Variants in MEP1A observed in about 807,000 individuals in gnomAD.
MEP1A encodes the protein N-benzoyl-L-tyrosyl-P-amino-benzoic acid hydrolase subunit alpha.
In MEP1A, 68 loss-of-function variants were observed where a neutral mutation model predicts 84.5. The ratio of observed to expected loss-of-function variants is 0.80; its 90% CI spans 0.66 to 0.98. MEP1A has a LOEUF of 0.98. MEP1A is among the 50% of genes least tolerant of loss of function. The pLI, the probability that MEP1A is intolerant of heterozygous loss-of-function variation, is 0.00. For synonymous variants in MEP1A, 337 were observed against 336.8 expected (o/e 1.00, Z -0.01); for missense variants, 887 against 919.9 (o/e 0.96, Z 0.46).
rs149471174 is a variant in MEP1A, at chr6:46,821,856, T to G, written c.556+2152T>G. Among the ~76,000 whole-genome samples, 351 of 152,340 alleles carry G rather than the reference T, an allele frequency of 2.3e-3. 3 individuals carry two copies. The highest frequency in any genetic ancestry group is 8.2e-3 in the African/African-American group (342 of 41,580). ...TACAATTCCGTATATCTAAATTGCC[T>G]GCAACCACGGGAGAACTGTTCTCAA... is the stretch of plus-strand genomic sequence containing the variant. On this transcript the variant is annotated intron_variant, in intron 7 of 13. Transcript: ENST00000230588.
the MEP1A span, among the ~76,000 whole-genome samples, chr6:46,845,057 T>C: frequency 1.3e-5 from 2 of 152,196 alleles, no homozygotes; most frequent in African/African-American, 4.8e-5. Context: ...TGATTGTAAG[T>C]TTCCTGAGGC....
intron 6 of MEP1A, among the ~76,000 whole-genome samples, chr6:46,819,047 G>A (rs1364686509): frequency 6.6e-6 from 1 of 152,160 alleles, no homozygotes; most frequent in Non-Finnish European, 1.5e-5. Context: ...GAGTAGAGGA[G>A]GCTGAGGCTG....
chr6:46,794,630 G>A (rs765872948), intron 3 of MEP1A, among the ~76,000 whole-genome samples: 1 of 152,198 alleles, frequency 6.6e-6, no homozygotes. Context: ...AGAGAAGCCA[G>A]TTAGTTGATA....
Position 46,798,627 on chromosome 6 carries a change from A to T in MEP1A, c.167A>T (p.Gln56Leu). 6.2e-7 allele frequency: 1 copy of T among 1,614,008 alleles called. No individual in the cohort carries two copies. The highest frequency in any genetic ancestry group is 8.5e-7 in the Non-Finnish European group (1 of 1,179,946). The change falls in exon 4 of 14, where the codon CAA becomes CTA. Residue 56 changes from glutamine (Q) to leucine (L), a missense_variant. Transcript: ENST00000230588. ...INLAAGLDLF[Q>L]GDILLQKSRN... Reference sequence around the variant, plus strand: ...CCAGCTGCAGGCTTGGACCTCTTTCAAGGGGACATCCTCTTGCAGGTGAGT... The same window carrying T: ...CCAGCTGCAGGCTTGGACCTCTTTCTAGGGGACATCCTCTTGCAGGTGAGT...
chr6:46,818,268 ATAAC>A lies in MEP1A; in HGVS notation c.381-1257_381-1254del, dbSNP rs531796011. Among the ~76,000 whole-genome samples the A allele has an allele frequency of 1.2e-3, 186 of 152,322 alleles. 1 individual carries two copies. The highest frequency in any genetic ancestry group is 2.0e-3 in the Non-Finnish European group (136 of 68,036). On this transcript the variant is annotated intron_variant, in intron 6 of 13. Transcript: ENST00000230588. ...CCTTAATAAAGTTATTAGAAAATAA[ATAAC>A]TAAGATTCATCTTTGAGTAAAAATC...
chr6:46,808,409 G>T (rs1239210777), intron 5 of MEP1A, among the ~76,000 whole-genome samples: 1 of 151,956 alleles, frequency 6.6e-6, no homozygotes, highest in Admixed American at 6.6e-5. Context: ...TGAAATAAAG[G>T]CCAGAAAATG....
chr6:46,819,348 C>T (rs1206171659), intron 6 of MEP1A, among the ~76,000 whole-genome samples, 181 bp from the exon 7 acceptor site: 1 of 152,180 alleles, frequency 6.6e-6, no homozygotes, highest in Non-Finnish European at 1.5e-5. Flanking sequence ...AGTATTCCCT[C>T]TAGGGAATGC....
intron 10 of MEP1A, 59 bp from the exon 11 acceptor site, chr6:46,833,015 T>C (rs1185843112): frequency 1.0e-6 from 1 of 966,778 alleles, no homozygotes; most frequent in Non-Finnish European, 1.6e-6. Flanking sequence ...GCCAAACTCA[T>C]AATAAGTACT....
intron 7 of MEP1A, among the ~76,000 whole-genome samples, chr6:46,824,032 T>A (rs1767842901): frequency 6.6e-6 from 1 of 152,176 alleles, no homozygotes; most frequent in Admixed American, 6.6e-5. Flanking sequence ...TTTCAGCTGC[T>A]TACCTTTCCC....
downstream of MEP1A, among the ~76,000 whole-genome samples, chr6:46,844,192 G>A (rs1403890611): frequency 6.6e-6 from 1 of 152,196 alleles, no homozygotes; most frequent in Non-Finnish European, 1.5e-5. Flanking sequence ...TCCTGTAGCT[G>A]TGAGTGTCAT....
intron 4 of MEP1A, 64 bp from the exon 5 acceptor site, chr6:46,799,042 A>G: frequency 1.0e-6 from 1 of 964,010 alleles, no homozygotes; most frequent in Non-Finnish European, 1.7e-6. Flanking sequence ...AGTTTAGTGA[A>G]GGAGGAGGTC....
intron 5 of MEP1A, among the ~76,000 whole-genome samples, chr6:46,807,596 G>A (rs1180216842): frequency 2.2e-4 from 22 of 99,962 alleles, no homozygotes; most frequent in African/African-American, 1.0e-3. Flanking sequence ...AAGGAAGGAA[G>A]GAAGGAAGGA....
intron 9 of MEP1A, among the ~76,000 whole-genome samples, chr6:46,827,473 C>G (rs374107350): frequency 6.6e-5 from 10 of 152,136 alleles, no homozygotes; most frequent in African/African-American, 2.4e-4. Context: ...CATCTTAACC[C>G]TATTTGGAAA....
chr6:46,837,253 G>C (rs1367180947), intron 13 of MEP1A, among the ~76,000 whole-genome samples: 2 of 152,186 alleles, frequency 1.3e-5, no homozygotes, highest in African/African-American at 4.8e-5. Flanking sequence ...CATCACGAAG[G>C]AATCATAAAC....
intron 11 of MEP1A, 75 bp downstream of exon 11, chr6:46,833,613 A>G (rs1581689056): frequency 1.9e-6 from 2 of 1,075,994 alleles, no homozygotes; most frequent in East Asian, 2.4e-5. Context: ...GTGGTGCAAG[A>G]AAGAGTAACG....
chr6:46,818,028 C>A (rs1767682378), intron 6 of MEP1A, among the ~76,000 whole-genome samples: 1 of 152,102 alleles, frequency 6.6e-6, no homozygotes, highest in Admixed American at 6.6e-5. Context: ...CAACTTATGT[C>A]TTTCTGTTGG....
chr6:46,833,159 C>T lies in MEP1A; in HGVS notation c.1230C>T (p.Gly410=), dbSNP rs185212553. 566 of 1,589,750 alleles carry T rather than the reference C, an allele frequency of 3.6e-4. 2 individuals are homozygous for T. In the South Asian group the frequency reaches 4.1e-3, roughly 11 times the overall value. ...GCTACCTTTTCCAGGGCACAAAAGGCGACCCTCAGAACTCAACTGGGGGAA... is the reference window on the plus strand; with the variant it reads ...GCTACCTTTTCCAGGGCACAAAAGGTGACCCTCAGAACTCAACTGGGGGAA... ...KFRYLFQGTK[G]DPQNSTGGIY... The change falls in exon 11 of 14, where the codon GGC becomes GGT. Residue 410 remains glycine, a synonymous_variant. Coordinates refer to ENST00000230588, the MANE Select transcript of MEP1A (RefSeq NM_005588.3).
chr6:46,807,507 T>TGAAAGAAAGAAA (rs1562106532), intron 5 of MEP1A, among the ~76,000 whole-genome samples: 3 of 74,530 alleles, frequency 4.0e-5, no homozygotes, highest in East Asian at 3.8e-4. Context: ...GACCCCCATC[T>TGAAAGAAAGAAA]GAAATAAAGA....
Position 46,809,538 on chromosome 6 carries a change from G to C in MEP1A, c.380+1G>C. 6.3e-7 allele frequency: 1 copy of C among 1,575,320 alleles called. No homozygotes were observed. Among genetic ancestry groups the C allele is most frequent in the Non-Finnish European group, 8.7e-7 (1 of 1,150,916 alleles). ...ATATCATATTTCAACAGTTTGATGGGTTGGTATGAAATTTTACGGAGTGAA... is the reference window on the plus strand; with the variant it reads ...ATATCATATTTCAACAGTTTGATGGCTTGGTATGAAATTTTACGGAGTGAA... On this transcript the variant is annotated splice_donor_variant, in intron 6 of 13. Transcript: ENST00000230588. LOFTEE classifies it high-confidence loss of function.
Sources: allele counts gnomAD v4.1 joint callset (sites outside exome capture counted in the v4.1 genomes callset), GRCh38; gene constraint gnomAD v4.1.1; transcripts MANE v1.5; gene names NCBI Gene and HGNC (gene_info 2026-07-23, HGNC 2026-07-21).